CASD1: variants seen among roughly 807,000 people sequenced by gnomAD.
CASD1 encodes CAS1 domain sialic acid O acetyltransferase 1.
CASD1 carries 41 observed loss-of-function variants against 100.0 expected under a neutral mutation model. The ratio of observed to expected loss-of-function variants is 0.41; its 90% CI spans 0.32 to 0.53. The LOEUF is 0.53. Ranked by LOEUF, CASD1 falls within the 20% of genes least tolerant of loss-of-function variation. CASD1 has a pLI of 0.25. For synonymous variants in CASD1, 321 were observed against 315.6 expected, an observed-to-expected ratio of 1.02 and a Z score of -0.18; for missense variants, 774 against 948.7, an observed-to-expected ratio of 0.82 and a Z score of 2.42.
At chr7:94,534,189 CAG>C (rs1295497430) in intron 7 of CASD1, among the ~76,000 whole-genome samples, 12 of 96,886 alleles carry the variant, frequency 1.2e-4, no homozygotes, top group Admixed American at 4.4e-4. Context: ...TTTTTTGAGA[CAG>C]GGTCTTGCTC....
chr7:94,612,417 C>T, the CASD1 span, among the ~76,000 whole-genome samples: 1 of 152,148 alleles, frequency 6.6e-6, no homozygotes, highest in Non-Finnish European at 1.5e-5. Context: ...GCAATAATCT[C>T]TAAAATATAA....
At chr7:94,628,163 C>CACACAT in the CASD1 span, 2 of 1,438,194 alleles carry the variant, frequency 1.4e-6, no homozygotes, top group Non-Finnish European at 1.9e-6. Context: ...CACACACACA[C>CACACAT]ATATATGTAT....
Position 94,551,386 on chromosome 7 carries a change from A to C in CASD1, c.1864A>C (p.Lys622Gln). ...LFAFIYLALQ[K>Q]RQILSEGKGE... Reference sequence around the variant, plus strand: ...TGCTTTTATTTATCTGGCTTTGCAGAAGCGTCAAATACTTTCTGAAGGAAA... The same window carrying C: ...TGCTTTTATTTATCTGGCTTTGCAGCAGCGTCAAATACTTTCTGAAGGAAA... The change falls in exon 15 of 18, where the codon AAG (lysine) becomes CAG (glutamine). Residue 622 changes from lysine (K) to glutamine (Q), a missense_variant. By Grantham distance (53) the Lys-to-Gln change is moderately conservative. Transcript: ENST00000297273. 1.3e-6 allele frequency: 2 copies of C among 1,558,400 alleles called. No individual in the cohort carries two copies. Among genetic ancestry groups the C allele is most frequent in the Non-Finnish European group, 8.6e-7 (1 of 1,160,254 alleles).
the CASD1 span, among the ~76,000 whole-genome samples, chr7:94,591,865 C>G: frequency 6.6e-6 from 1 of 152,138 alleles, no homozygotes; most frequent in African/African-American, 2.4e-5. Flanking sequence ...AAGAAAGCAA[C>G]TGTGTGTCTT....
At chr7:94,510,351 C>T in intron 1 of CASD1, 134 bp downstream of exon 1, 1 of 595,932 alleles carries the variant, frequency 1.7e-6, no homozygotes. Flanking sequence ...GGCGGTTCCC[C>T]CAGGTGTCCC....
rs146970282 is a variant in CASD1, at chr7:94,545,701, G to A, written c.1633G>A (p.Gly545Arg). Reference sequence around the variant, plus strand: ...ACAAATAATCCAAAAAAAAGCAAACGGTAAATATACTTTCTTACTAATGTT... The same window carrying A: ...ACAAATAATCCAAAAAAAAGCAAACAGTAAATATACTTTCTTACTAATGTT... ...WPQIIQKKAN[G>R]NCFWHFGLLL... The change falls in exon 12 of 18, where the codon GGA (glycine) becomes AGA (arginine). Residue 545 changes from glycine (G) to arginine (R), a missense_variant and splice_region_variant. Physicochemically the swap from Gly to Arg is moderately radical, Grantham distance 125. Transcript: ENST00000297273. 6.4e-7 allele frequency: 1 copy of A among 1,571,338 alleles called. No individual in the cohort carries two copies. The highest frequency in any genetic ancestry group is 8.7e-7 in the Non-Finnish European group (1 of 1,153,454).
the CASD1 span, among the ~76,000 whole-genome samples, chr7:94,568,627 A>G: frequency 6.6e-6 from 1 of 152,230 alleles, no homozygotes; most frequent in African/African-American, 2.4e-5. Context: ...CAAACGACAG[A>G]TAAGTGAAGT....
chr7:94,587,429 G>C, the CASD1 span: 4 of 1,159,196 alleles, frequency 3.5e-6, no homozygotes, highest in Admixed American at 4.8e-5. Context: ...TCAGAAGATA[G>C]AAATCTTAGG....
At chr7:94,539,774 T>C (rs1795303001) in intron 10 of CASD1, among the ~76,000 whole-genome samples, 1 of 152,174 alleles carries the variant, frequency 6.6e-6, no homozygotes, top group South Asian at 2.1e-4. Context: ...TATTATAGTT[T>C]ATGTTCTATC....
chr7:94,533,954 T>C, intron 7 of CASD1, 152 bp downstream of exon 7: 1 of 646,216 alleles, frequency 1.5e-6, no homozygotes, highest in Non-Finnish European at 2.4e-6. Flanking sequence ...AGTTATTTGC[T>C]CTCCTTTTTC....
chr7:94,569,751 T>G, the CASD1 span, among the ~76,000 whole-genome samples: 1 of 151,940 alleles, frequency 6.6e-6, no homozygotes, highest in African/African-American at 2.4e-5. Flanking sequence ...GCATGAAGTG[T>G]GTCTCTTGTA....
At chr7:94,594,056 ACT>A in the CASD1 span, among the ~76,000 whole-genome samples, 1 of 151,880 alleles carries the variant, frequency 6.6e-6, no homozygotes, top group Non-Finnish European at 1.5e-5. Context: ...ACAAGGCTAG[ACT>A]CTCTCTTGAC....
chr7:94,548,638 T>C (rs765750928), intron 13 of CASD1, among the ~76,000 whole-genome samples: 3 of 151,846 alleles, frequency 2.0e-5, no homozygotes, highest in African/African-American at 4.8e-5. Flanking sequence ...AAAGTTCTTC[T>C]GACCTAAAGA....
rs779062844 is a variant in CASD1, at chr7:94,555,728, A to G, written c.2364A>G (p.Leu788=). ...CATTTTTTTGTGGACTCCTCATCTT[A>G]TCATCCATTCAAGATAAATCAAAAC... ...IAAFFCGLLI[L]SSIQDKSKH The change falls in exon 18 of 18, where the codon TTA becomes TTG. Residue 788 remains leucine, a synonymous_variant. Transcript: ENST00000297273. The G allele has an allele frequency of 1.2e-6, 2 of 1,613,022 alleles. No homozygotes were observed. Among genetic ancestry groups the G allele is most frequent in the East Asian group, 2.2e-5 (1 of 44,836 alleles).
chr7:94,568,766 G>GC, the CASD1 span, among the ~76,000 whole-genome samples: 1 of 152,282 alleles, frequency 6.6e-6, no homozygotes, highest in Non-Finnish European at 1.5e-5. Context: ...TGGGATTATT[G>GC]CCCTTATAAA....
At chr7:94,570,187 T>G in the CASD1 span, among the ~76,000 whole-genome samples, 1 of 152,120 alleles carries the variant, frequency 6.6e-6, no homozygotes, top group African/African-American at 2.4e-5. Context: ...TTATTAATTA[T>G]TTTCTGCCTG....
chr7:94,618,803 T>C, the CASD1 span: 1 of 1,613,956 alleles, frequency 6.2e-7, no homozygotes, highest in Non-Finnish European at 8.5e-7. Context: ...GCCACCCCTG[T>C]CTAGGGCCGA....
At chr7:94,587,275 C>T in the CASD1 span, 1 of 987,906 alleles carries the variant, frequency 1.0e-6, no homozygotes, top group Non-Finnish European at 1.2e-6. Context: ...AACAAATTGC[C>T]CTAATATCAT....
the CASD1 span, among the ~76,000 whole-genome samples, chr7:94,580,304 C>G: frequency 2.6e-5 from 4 of 152,268 alleles, no homozygotes; most frequent in South Asian, 6.2e-4. Context: ...TCTCACCTTC[C>G]CCTATACTTC....
Sources: gnomAD v4.1 joint callset for allele counts (sites outside exome capture counted in the v4.1 genomes callset) on GRCh38, gnomAD v4.1.1 for gene constraint, MANE v1.5 for transcripts, NCBI Gene and HGNC (gene_info 2026-07-23, HGNC 2026-07-21) for gene names.